The following STIM1 variants were observed in gnomAD, a reference collection of about 807,000 sequenced individuals.
The protein encoded by STIM1 is stromal interaction molecule 1.
Under a neutral mutation model 74.7 loss-of-function variants are expected in STIM1, and 25 were observed. The ratio of observed to expected loss-of-function variants is 0.33; its 90% CI spans 0.24 to 0.47. The LOEUF is 0.47. Among genes scored for constraint, STIM1 ranks in the 20% least tolerant of loss-of-function variants. The probability of loss-of-function intolerance (pLI) is 1.00; values close to 1 mark genes in which losing one functional copy is unlikely to be tolerated. For missense variants in STIM1, 728 were observed against 920.8 expected, an observed-to-expected ratio of 0.79 and a Z score of 2.71; for synonymous variants, 328 against 348.8, an observed-to-expected ratio of 0.94 and a Z score of 0.66.
intron 2 of STIM1, among the ~76,000 whole-genome samples, chr11:4,000,581 T>C (rs1421148152): frequency 2.6e-5 from 4 of 151,900 alleles, no homozygotes; most frequent in African/African-American, 9.7e-5. Flanking sequence ...CAAAAACCCA[T>C]CTGTACATCA....
At chr11:3,921,199 C>T (rs945613484) in intron 1 of STIM1, among the ~76,000 whole-genome samples, 6 of 152,132 alleles carry the variant, frequency 3.9e-5, no homozygotes, top group Non-Finnish European at 2.9e-5. Flanking sequence ...AATGACTGGA[C>T]TTCAGTAATT....
At chr11:3,980,100 C>G (rs138442542) in intron 2 of STIM1, among the ~76,000 whole-genome samples, 165 of 152,236 alleles carry the variant, frequency 1.1e-3, no homozygotes, top group Middle Eastern at 6.8e-3. Context: ...ATTGTTTTGT[C>G]TATAACTTTG....
chr11:3,927,196 C>G (rs1237197658), intron 1 of STIM1, among the ~76,000 whole-genome samples: 1 of 152,164 alleles, frequency 6.6e-6, no homozygotes, highest in South Asian at 2.1e-4. Context: ...CTCATATTAA[C>G]CTTTATTTAT....
At chr11:3,862,527 C>T (rs1478991825) in intron 1 of STIM1, among the ~76,000 whole-genome samples, 1 of 152,174 alleles carries the variant, frequency 6.6e-6, no homozygotes, top group Non-Finnish European at 1.5e-5. Context: ...GAGGTGCTAC[C>T]TCTTCTGTAC....
intron 1 of STIM1, among the ~76,000 whole-genome samples, chr11:3,965,875 C>T (rs1366478614): frequency 1.3e-5 from 2 of 152,052 alleles, no homozygotes; most frequent in Admixed American, 6.6e-5. Flanking sequence ...GGCGTGGTGG[C>T]GCATGCCTGT....
intron 2 of STIM1, among the ~76,000 whole-genome samples, chr11:3,991,144 A>G (rs1249664566): frequency 6.6e-6 from 1 of 150,612 alleles, no homozygotes; most frequent in African/African-American, 2.4e-5. Flanking sequence ...TTCATGGTCA[A>G]TATGTACCAC....
intron 1 of STIM1, among the ~76,000 whole-genome samples, chr11:3,914,400 A>G (rs931238659): frequency 1.1e-4 from 16 of 151,994 alleles, no homozygotes; most frequent in Non-Finnish European, 2.9e-5. Context: ...CTGCTATGCT[A>G]TGGACATGCT....
At chr11:3,884,416 C>T (rs1274369527) in intron 1 of STIM1, among the ~76,000 whole-genome samples, 4 of 152,090 alleles carry the variant, frequency 2.6e-5, no homozygotes, top group Non-Finnish European at 5.9e-5. Context: ...CAGATGTTTC[C>T]AGCACTTTGA....
At chr11:4,022,497 T>C (rs971779351) in intron 2 of STIM1, among the ~76,000 whole-genome samples, 1 of 152,136 alleles carries the variant, frequency 6.6e-6, no homozygotes, top group Admixed American at 6.5e-5. Context: ...GCTAGGACTT[T>C]CATTACTGTG....
In STIM1 at chr11:3,878,894, G is replaced by C. The variant is rs140114599; in HGVS notation, c.139+22485G>C. 8.0e-3 allele frequency among the ~76,000 whole-genome samples: 1,219 copies of C among 152,142 alleles called. 15 individuals carry two copies. Among genetic ancestry groups the C allele is most frequent in the Middle Eastern group, 0.031 (9 of 294 alleles). On this transcript the variant is annotated intron_variant, in intron 1 of 12. Coordinates refer to ENST00000526596, the MANE Select transcript of STIM1 (RefSeq NM_001382567.1). ...TTTGGCCTTATCGTGCCTACCCATTGTGGCCTCCTTGACATCCCAACACAC... is the reference window on the plus strand; with the variant it reads ...TTTGGCCTTATCGTGCCTACCCATTCTGGCCTCCTTGACATCCCAACACAC...
chr11:4,086,973 G>A, intron 12 of STIM1: 2 of 1,378,668 alleles, frequency 1.5e-6, no homozygotes, highest in Non-Finnish European at 1.9e-6. Context: ...GTGCAGTGGG[G>A]AATCTTCTTA....
intron 1 of STIM1, among the ~76,000 whole-genome samples, chr11:3,865,370 T>G (rs1319022623): frequency 6.6e-6 from 1 of 152,176 alleles, no homozygotes; most frequent in Non-Finnish European, 1.5e-5. Flanking sequence ...TCTACCCTAA[T>G]GGAGCCTGTT....
intron 7 of STIM1, among the ~76,000 whole-genome samples, chr11:4,076,028 T>A (rs2094435232): frequency 6.6e-6 from 1 of 152,158 alleles, no homozygotes; most frequent in African/African-American, 2.4e-5. Flanking sequence ...TCTTATTGAT[T>A]TGTAAGCATT....
chr11:3,918,592 C>T (rs1306539944), intron 1 of STIM1, among the ~76,000 whole-genome samples: 1 of 151,958 alleles, frequency 6.6e-6, no homozygotes, highest in Non-Finnish European at 1.5e-5. Flanking sequence ...ACCTCTCTTT[C>T]CTGATGGTGC....
chr11:4,030,408 A>C (rs1252773162), intron 3 of STIM1, among the ~76,000 whole-genome samples: 5 of 152,086 alleles, frequency 3.3e-5, no homozygotes, highest in Non-Finnish European at 7.4e-5. Context: ...CAGGGAGGCC[A>C]GGTGGCATCA....
chr11:4,061,169 C>A (rs183072230), intron 5 of STIM1, among the ~76,000 whole-genome samples: 2 of 152,110 alleles, frequency 1.3e-5, no homozygotes, highest in African/African-American at 2.4e-5. Context: ...GTAGAAACTG[C>A]AGGTTAAAGC....
At chr11:4,078,902 C>T (rs1160522870) in intron 7 of STIM1, among the ~76,000 whole-genome samples, 3 of 151,734 alleles carry the variant, frequency 2.0e-5, no homozygotes, top group African/African-American at 7.3e-5. Context: ...CTATTTAGGA[C>T]CTCAAAGAAC....
chr11:3,898,231 T>C (rs1438629584), intron 1 of STIM1, among the ~76,000 whole-genome samples: 42 of 149,748 alleles, frequency 2.8e-4, no homozygotes, highest in Admixed American at 2.8e-3. Context: ...TGGTATCTCA[T>C]TGTGGTTTTG....
intron 1 of STIM1, among the ~76,000 whole-genome samples, chr11:3,881,807 G>C (rs1740443401): frequency 6.6e-6 from 1 of 151,792 alleles, no homozygotes; most frequent in Admixed American, 6.6e-5. Flanking sequence ...CCTGTAGCTG[G>C]GATTGCAGGC....
Sources: allele counts gnomAD v4.1 joint callset (sites outside exome capture counted in the v4.1 genomes callset), GRCh38; gene constraint gnomAD v4.1.1; transcripts MANE v1.5; gene names NCBI Gene and HGNC (gene_info 2026-07-23, HGNC 2026-07-21).